Variants in FASN observed in about 807,000 individuals in gnomAD.
The protein encoded by FASN is fatty acid synthase.
A neutral mutation model predicts 250.0 loss-of-function variants in FASN; 50 were observed. That is an observed-to-expected ratio of 0.20 (90% CI 0.16 to 0.25). FASN has a LOEUF of 0.25. Ranked by LOEUF, FASN falls within the 10% of genes least tolerant of loss-of-function variation. The pLI is 1.00. For missense variants in FASN, 3,031 were observed against 3,498.5 expected (o/e 0.87, Z 3.37); for synonymous variants, 1,909 against 1,584.0 (o/e 1.21, Z -4.87).
Position 82,089,641 on chromosome 17 carries a change from C to T in FASN, c.1956G>A (p.Ser652=), listed in dbSNP as rs765198650. The T allele has an allele frequency of 8.4e-5, 134 of 1,600,894 alleles. No homozygotes were observed. The highest frequency in any genetic ancestry group is 1.1e-4 in the South Asian group (10 of 89,108). The change falls in exon 12 of 43, where the codon TCG becomes TCA. Residue 652 remains serine, a synonymous_variant. Transcript: ENST00000306749. ...CHNSKDTVTI[S]GPQAPVFEFV... ...AGGCCGCAGCACCCACCTGAGGTCC[C>T]GAGATGGTGACTGTGTCCTTGGAGT...
At position 82,080,422 on chromosome 17, in the gene FASN, T is replaced by A. The variant is rs75952379; in HGVS notation, c.6995A>T (p.Asn2332Ile). ...QAQQSPAPTH[N>I]SLFLFDGSPT... ...CGAGCCGTCGAACAGGAAGAGGCTG[T>A]TGTGGGTGGGGGCTGGGCTCTGCTG... Residue 2332 changes from asparagine (N) to isoleucine (I), a missense_variant, in exon 40 of 43, where the codon AAC becomes ATC. Asn to Ile is a moderately radical substitution (Grantham distance 149). Transcript: ENST00000306749. 1 of 1,601,390 alleles carries A rather than the reference T, an allele frequency of 6.2e-7. No homozygotes were observed. Among genetic ancestry groups the A allele is most frequent in the Non-Finnish European group, 8.5e-7 (1 of 1,174,916 alleles).
At position 82,082,165 on chromosome 17, in the gene FASN, G is replaced by C. The variant is rs759929112; in HGVS notation, c.6012-5C>G. On this transcript the variant is annotated splice_region_variant and splice_polypyrimidine_tract_variant and intron_variant, in intron 35 of 42. Coordinates refer to ENST00000306749, the MANE Select transcript of FASN (RefSeq NM_004104.5). ...GGGCACGCCTCTCGGGTCACCCTGT[G>C]GGCACGCGTGTCACTCCCCATTGGC... 1 of 1,601,946 alleles carries C rather than the reference G, an allele frequency of 6.2e-7. No homozygotes were observed. Among genetic ancestry groups the C allele is most frequent in the Non-Finnish European group, 8.5e-7 (1 of 1,179,920 alleles).
At position 82,080,930 on chromosome 17, in the gene FASN, G is replaced by T; in HGVS notation, c.6596-8C>A. On this transcript the variant is annotated splice_polypyrimidine_tract_variant and splice_region_variant and intron_variant, in intron 38 of 42. Coordinates refer to ENST00000306749, the MANE Select transcript of FASN (RefSeq NM_004104.5). ...GCGTGGGGCATGCCAGCTCTGTGAA[G>T]ACAGGGGCAGATGCCAGGCTGGTCT... 6.3e-7 allele frequency: 1 copy of T among 1,598,264 alleles called. No homozygotes were observed. The highest frequency in any genetic ancestry group is 1.7e-5 in the Admixed American group (1 of 57,908).
At chr17:82,095,258 A>G in intron 3 of FASN, 62 bp downstream of exon 3, 5 of 1,570,490 alleles carry the variant, frequency 3.2e-6, no homozygotes, top group Non-Finnish European at 4.4e-6. Flanking sequence ...AAGAGAAAAC[A>G]CTGCCTATTC....
At position 82,085,343 on chromosome 17, in the gene FASN, G is replaced by A. The variant is rs758338486; in HGVS notation, c.4182C>T (p.Ser1394=). The change falls in exon 24 of 43, where the codon TCC becomes TCT. Residue 1394 remains serine (S), a synonymous_variant. Transcript: ENST00000306749. ...ACAGGAAGAGCGTGGAGCCGTAGAA[G>A]GACTTCTTCAGGCCCACCAGGCGCA... ...VSLRLVGLKK[S]FYGSTLFLCR... 1 of 1,611,772 alleles carries A rather than the reference G, an allele frequency of 6.2e-7. No individual in the cohort carries two copies. The highest frequency in any genetic ancestry group is 8.5e-7 in the Non-Finnish European group (1 of 1,179,620).
In FASN at chr17:82,086,342, A is replaced by T. The variant is rs1177449169; in HGVS notation, c.3644T>A (p.Leu1215His). Residue 1215 changes from leucine (L) to histidine (H), a missense_variant, in exon 22 of 43, where the codon CTC (leucine) becomes CAC (histidine). Coordinates refer to ENST00000306749, the MANE Select transcript of FASN (RefSeq NM_004104.5). ...ERPKLPEDPL[L>H]SGLLDSPALK... ...TGCCGGGGAGTCCAGGAGGCCGCTGAGCAGAGGGTCCTCTGGCAGCTTGGG... is the reference window on the plus strand; with the variant it reads ...TGCCGGGGAGTCCAGGAGGCCGCTGTGCAGAGGGTCCTCTGGCAGCTTGGG... 3 of 1,607,396 alleles carry T rather than the reference A, an allele frequency of 1.9e-6. No homozygotes were observed. The highest frequency in any genetic ancestry group is 8.5e-7 in the Non-Finnish European group (1 of 1,179,464).
chr17:82,080,752 C>G lies in FASN; in HGVS notation c.6766G>C (p.Val2256Leu), dbSNP rs17848949. Residue 2256 changes from valine (V) to leucine (L), a missense_variant, in exon 39 of 43, where the codon GTG (valine) becomes CTG (leucine). Physicochemically the swap from Val to Leu is conservative, Grantham distance 32. Transcript: ENST00000306749. ...AGCCGGGAGGCCAGGCTGTGGAACA[C>G]GGTGGTGGAGCCCTCGATTGGGTGC... ...LVHPIEGSTT[V>L]FHSLASRLSI... The G allele has an allele frequency of 6.2e-7, 1 of 1,603,830 alleles. No homozygotes were observed. The highest frequency in any genetic ancestry group is 8.5e-7 in the Non-Finnish European group (1 of 1,176,502).
Position 82,080,809 on chromosome 17 carries a change from C to G in FASN, c.6709G>C (p.Val2237Leu). The G allele has an allele frequency of 1.9e-6, 3 of 1,608,718 alleles. No individual in the cohort carries two copies. The highest frequency in any genetic ancestry group is 1.7e-4 in the Middle Eastern group (1 of 5,836). Residue 2237 changes from valine to leucine, a missense_variant, in exon 39 of 43, where the codon GTG (valine) becomes CTG (leucine). Physicochemically the swap from Val to Leu is conservative, Grantham distance 32. Coordinates refer to ENST00000306749, the MANE Select transcript of FASN (RefSeq NM_004104.5). Reference protein sequence around the residue: ...EGPTLMRLNSVQSSERPLFLV... With the variant: ...EGPTLMRLNSLQSSERPLFLV... ...AACAGGGGCCGCTCCGAGCTCTGCA[C>G]GGAGTTGAGCCGCATCAGGGTGGGG...
Position 82,083,055 on chromosome 17 carries a change from T to C in FASN, c.5626A>G (p.Ile1876Val), listed in dbSNP as rs768785119. 1.9e-6 allele frequency: 3 copies of C among 1,612,568 alleles called. No homozygotes were observed. The highest frequency in any genetic ancestry group is 1.7e-5 in the Admixed American group (1 of 60,014). ...TGGGCCGGGCAGAAGGTCTTGGAGA[T>C]GGCCGACATCAGCTTGGGTTTGGCC... ...KGAKPKLMSA[I>V]SKTFCPAHKS... is the part of the protein sequence containing the mutation. The change falls in exon 33 of 43, where the codon ATC (isoleucine) becomes GTC (valine). Residue 1876 changes from isoleucine to valine, a missense_variant. Physicochemically the swap from Ile to Val is conservative, Grantham distance 29. Transcript: ENST00000306749.
intron 4 of FASN, 45 bp from the exon 5 acceptor site, chr17:82,093,464 G>T: frequency 6.3e-7 from 1 of 1,580,248 alleles, no homozygotes; most frequent in East Asian, 2.3e-5. Flanking sequence ...GTGAGCACAC[G>T]AGACCCCTGA....
chr17:82,080,390 AGGTGGGC>A lies in FASN; in HGVS notation c.7020_7026del (p.Pro2341ThrfsTer13), dbSNP rs1397776398. ...CTCACCTGGGTGTAGGCCAGTACGT[AGGTGGGC>A]GAGCCGTCGAACAGGAAGAGGCTGT... On this transcript the variant is annotated frameshift_variant, in exon 40 of 43. Transcript: ENST00000306749. LOFTEE classifies it high-confidence loss of function. The A allele has an allele frequency of 6.2e-7, 1 of 1,603,362 alleles. No individual in the cohort carries two copies. The highest frequency in any genetic ancestry group is 8.5e-7 in the Non-Finnish European group (1 of 1,175,620).
rs1387636712 is a variant in FASN, at chr17:82,094,669, GTC to G, written c.280+649_280+650del. ...CCGGGCGTGGTGGTGGGCGCCTGTA[GTC>G]CCGGCCACTCAGGAGACTGAGGCAG... On this transcript the variant is annotated intron_variant, in intron 3 of 42. Coordinates refer to ENST00000306749, the MANE Select transcript of FASN (RefSeq NM_004104.5). 6.6e-5 allele frequency among the ~76,000 whole-genome samples: 10 copies of G among 151,698 alleles called. No homozygotes were observed. The East Asian group carries it at 1.6e-3, about 24-fold the overall frequency.
In FASN at chr17:82,079,744, T is replaced by C. The variant is rs550696686; in HGVS notation, c.7147-136A>G. On this transcript the variant is annotated intron_variant, in intron 41 of 42. Coordinates refer to ENST00000306749, the MANE Select transcript of FASN (RefSeq NM_004104.5). Reference sequence around the variant, plus strand: ...CCAGGCTAGATGGAGTGGGGCGATCTCAGCTCACCGCAACCTCCACCTACC... The same window carrying C: ...CCAGGCTAGATGGAGTGGGGCGATCCCAGCTCACCGCAACCTCCACCTACC... 3.2e-6 allele frequency: 4 copies of C among 1,250,534 alleles called. 1 individual carries two copies. The highest frequency in any genetic ancestry group is 5.1e-5 in the East Asian group (2 of 39,276). The allele number at this position is 1,250,534 out of a possible 1,614,324, so 77.5% of individuals were successfully genotyped here. A position where few individuals can be genotyped will look rare whatever the true frequency, so the allele number is the denominator to read the frequency against.
intron 11 of FASN, 80 bp downstream of exon 11, chr17:82,090,295 C>T: frequency 7.1e-7 from 1 of 1,416,856 alleles, no homozygotes; most frequent in Non-Finnish European, 9.6e-7. Flanking sequence ...GGGGCCAGGC[C>T]AGGGCTGCAG....
chr17:82,096,327 C>T lies in FASN; in HGVS notation c.119G>A (p.Trp40Ter). ...GCCCCGCAGCCACATACCCGCCTTCCAGCGACGGTCATCGTCCGTGACCAT... is the reference window on the plus strand; with the variant it reads ...GCCCCGCAGCCACATACCCGCCTTCTAGCGACGGTCATCGTCCGTGACCAT... ...VDMVTDDDRRWKAGLYGLPRR... is the reference protein window; with the variant it reads ...VDMVTDDDRR The change falls in exon 2 of 43, where the codon TGG (tryptophan) becomes TAG (stop). Residue 40 changes from tryptophan to a stop codon, truncating the protein, a stop_gained. Transcript: ENST00000306749. LOFTEE classifies it high-confidence loss of function. 6.2e-7 allele frequency: 1 copy of T among 1,612,634 alleles called. No homozygotes were observed. Among genetic ancestry groups the T allele is most frequent in the African/African-American group, 1.3e-5 (1 of 75,068 alleles).
intron 3 of FASN, among the ~76,000 whole-genome samples, chr17:82,095,027 C>T (rs976956720): frequency 6.6e-6 from 1 of 152,124 alleles, no homozygotes; most frequent in Non-Finnish European, 1.5e-5. Flanking sequence ...CCTGCTTTGC[C>T]TCTCGTCACT....
rs1276468681 is a variant in FASN at position 82,090,772 on chromosome 17, A to G, written c.1680+110T>C. ...CTGCCCCCAGCACAAGGCTCTGCCT[A>G]GCAAAGGGGCTGTCAGGGGCCCCGG... is the stretch of plus-strand genomic sequence containing the variant. On this transcript the variant is annotated intron_variant, in intron 10 of 42. Coordinates refer to ENST00000306749, the MANE Select transcript of FASN (RefSeq NM_004104.5). 3 of 1,277,648 alleles carry G rather than the reference A, an allele frequency of 2.3e-6. No individual in the cohort carries two copies. In the African/African-American group the frequency reaches 4.4e-5, roughly 19 times the overall value. 79.1% of individuals were successfully genotyped at this position (1,277,648 alleles called of 1,614,324 possible). A position where few individuals can be genotyped will look rare whatever the true frequency, so the allele number is the denominator to read the frequency against.
rs1348053747 is a variant in FASN, at chr17:82,082,136, C to T, written c.6036G>A (p.Glu2012=). ...LDRVTREACP[E]LDYFVVFSSV... ...AGGAGAAGACCACAAAGTAGTCCAGCTCAGGGCACGCCTCTCGGGTCACCC... is the reference window on the plus strand; with the variant it reads ...AGGAGAAGACCACAAAGTAGTCCAGTTCAGGGCACGCCTCTCGGGTCACCC... The change falls in exon 36 of 43, where the codon GAG becomes GAA. Residue 2012 remains glutamate, a synonymous_variant. Coordinates refer to ENST00000306749, the MANE Select transcript of FASN (RefSeq NM_004104.5). 2.5e-6 allele frequency: 4 copies of T among 1,605,384 alleles called. No individual in the cohort carries two copies. The South Asian group carries it at 4.4e-5, about 18-fold the overall frequency.
Position 82,085,224 on chromosome 17 carries a change from G to A in FASN, c.4287+14C>T. On this transcript the variant is annotated intron_variant, in intron 24 of 42. Transcript: ENST00000306749. The stretch of plus-strand genomic sequence containing the variant: ...GGAGGTGGGGTGGGGCCTGGAGGTG[G>A]GGCAGGGCCTGACCTTCAGAGACTC... 1 of 1,612,162 alleles carries A rather than the reference G, an allele frequency of 6.2e-7. No individual in the cohort carries two copies. The highest frequency in any genetic ancestry group is 8.5e-7 in the Non-Finnish European group (1 of 1,179,692).
Sources: gnomAD v4.1 joint callset for allele counts (sites outside exome capture counted in the v4.1 genomes callset) on GRCh38, gnomAD v4.1.1 for gene constraint, MANE v1.5 for transcripts, NCBI Gene and HGNC (gene_info 2026-07-23, HGNC 2026-07-21) for gene names.